The following ZDHHC2 variants were observed in gnomAD, a reference collection of about 807,000 sequenced individuals.
The protein encoded by ZDHHC2 is zDHHC palmitoyltransferase 2, also known as palmitoyltransferase ZDHHC2.
Under a neutral mutation model 55.6 loss-of-function variants are expected in ZDHHC2, and 51 were observed. The observed-to-expected ratio is 0.92, with a 90% CI of 0.73 to 1.16. The LOEUF (loss-of-function observed/expected upper bound fraction) is 1.16. Ranked by LOEUF, ZDHHC2 falls within the 50% of genes most tolerant of loss-of-function variation. The pLI is 0.00. For synonymous variants in ZDHHC2, 199 were observed against 152.9 expected (o/e 1.30, Z -2.22); for missense variants, 491 against 442.4 (o/e 1.11, Z -0.99).
At chr8:17,211,339 C>T (rs1050918149) in intron 10 of ZDHHC2, among the ~76,000 whole-genome samples, 5 of 152,132 alleles carry the variant, frequency 3.3e-5, no homozygotes, top group Middle Eastern at 3.2e-3. Flanking sequence ...GTGCCACATA[C>T]ACAGTATCCA....
At chr8:17,217,762 G>A (rs1036909758) in intron 12 of ZDHHC2, among the ~76,000 whole-genome samples, 4 of 151,888 alleles carry the variant, frequency 2.6e-5, no homozygotes, top group Admixed American at 6.6e-5. Context: ...AAAATAATAG[G>A]TGTTCCAAAT....
chr8:17,206,227 G>A (rs1352045080), intron 7 of ZDHHC2, among the ~76,000 whole-genome samples: 2 of 152,284 alleles, frequency 1.3e-5, no homozygotes, highest in South Asian at 2.1e-4. Flanking sequence ...AAAGAGAACC[G>A]ATGTGTGTTA....
rs1259444259 is a variant in ZDHHC2, at chr8:17,223,046, A to G, written c.*2825A>G. On this transcript the variant is annotated 3_prime_UTR_variant, in exon 13 of 13. Coordinates refer to ENST00000262096, the MANE Select transcript of ZDHHC2 (RefSeq NM_016353.5). ...AATCAAAGATATAAATCATGTTTAT[A>G]AAAAATTAGGCACGCAATCATGTGA... 3 of 151,942 alleles carry G rather than the reference A, an allele frequency of 2.0e-5. No individual in the cohort carries two copies. Among genetic ancestry groups the G allele is most frequent in the African/African-American group, 7.2e-5 (3 of 41,436 alleles). 9.4% of individuals were successfully genotyped at this position (151,942 alleles called of 1,614,324 possible). A position where few individuals can be genotyped will look rare whatever the true frequency, so the allele number is the denominator to read the frequency against.
At chr8:17,181,513 C>G (rs1242135292) in intron 1 of ZDHHC2, among the ~76,000 whole-genome samples, 1 of 152,100 alleles carries the variant, frequency 6.6e-6, no homozygotes, top group Non-Finnish European at 1.5e-5. Context: ...ATTAATTTAT[C>G]TCAATAACTG....
intron 7 of ZDHHC2, among the ~76,000 whole-genome samples, chr8:17,206,082 A>T (rs1807090564): frequency 6.6e-6 from 1 of 152,202 alleles, no homozygotes; most frequent in Non-Finnish European, 1.5e-5. Context: ...TTCAGCTCTC[A>T]TACTATAAAC....
At chr8:17,220,066 G>T (rs552890866) in intron 12 of ZDHHC2, among the ~76,000 whole-genome samples, 190 bp from the exon 13 acceptor site, 5 of 151,900 alleles carry the variant, frequency 3.3e-5, no homozygotes, top group African/African-American at 1.2e-4. Flanking sequence ...GGATCCTTTC[G>T]TATATGCATA....
chr8:17,175,480 C>G (rs1805083072), intron 1 of ZDHHC2, among the ~76,000 whole-genome samples: 1 of 152,110 alleles, frequency 6.6e-6, no homozygotes, highest in African/African-American at 2.4e-5. Context: ...CACTTCTTCC[C>G]CTAGATTGTT....
intron 1 of ZDHHC2, among the ~76,000 whole-genome samples, chr8:17,180,882 G>A (rs1462775841): frequency 1.3e-5 from 2 of 152,162 alleles, no homozygotes; most frequent in African/African-American, 4.8e-5. Flanking sequence ...ACCAAGCTGG[G>A]GGTGGAGGGA....
chr8:17,156,989 C>G (rs1804091022), intron 1 of ZDHHC2, 136 bp downstream of exon 1: 2 of 823,688 alleles, frequency 2.4e-6, no homozygotes, highest in South Asian at 2.7e-5. Flanking sequence ...CCCGCCGGCT[C>G]CGCCGCTAAA....
intron 1 of ZDHHC2, among the ~76,000 whole-genome samples, chr8:17,174,073 C>G (rs1265467827): frequency 2.0e-5 from 3 of 151,146 alleles, no homozygotes; most frequent in Non-Finnish European, 2.9e-5. Flanking sequence ...AATTTGTGCT[C>G]TATTCTTTTT....
intron 6 of ZDHHC2, among the ~76,000 whole-genome samples, chr8:17,199,694 TCTC>T (rs1806635840): frequency 6.7e-6 from 1 of 149,176 alleles, no homozygotes; most frequent in Non-Finnish European, 1.5e-5. Flanking sequence ...TTTTCTTCTT[TCTC>T]CTTCTTCCTT....
At chr8:17,210,505 T>A (rs1487229717) in intron 10 of ZDHHC2, 25 bp downstream of exon 10, 1 of 1,548,038 alleles carries the variant, frequency 6.5e-7, no homozygotes, top group Non-Finnish European at 8.8e-7. Context: ...TTTTTCATTT[T>A]ACTTTCAAAT....
intron 1 of ZDHHC2, among the ~76,000 whole-genome samples, chr8:17,169,687 T>A (rs1448851037): frequency 6.6e-6 from 1 of 152,146 alleles, no homozygotes. Flanking sequence ...GTTTCTGTTT[T>A]GCCCAAAGAT....
At chr8:17,216,583 A>G (rs1025943107) in intron 11 of ZDHHC2, among the ~76,000 whole-genome samples, 6 of 152,306 alleles carry the variant, frequency 3.9e-5, no homozygotes, top group South Asian at 2.1e-4. Context: ...TTGGGGGTCA[A>G]TTGTTGAGAC....
Position 17,221,553 on chromosome 8 carries a change from A to G in ZDHHC2, c.*1332A>G, listed in dbSNP as rs1807918742. On this transcript the variant is annotated 3_prime_UTR_variant, in exon 13 of 13. Coordinates refer to ENST00000262096, the MANE Select transcript of ZDHHC2 (RefSeq NM_016353.5). ...GGTATTTAATCAAAGAGAAAATGGTAATAAACTTTTCAAAATCTTTGTTAA... is the reference window on the plus strand; with the variant it reads ...GGTATTTAATCAAAGAGAAAATGGTGATAAACTTTTCAAAATCTTTGTTAA... 1 of 152,408 alleles carries G rather than the reference A, an allele frequency of 6.6e-6. No homozygotes were observed. Among genetic ancestry groups the G allele is most frequent in the Non-Finnish European group, 1.5e-5 (1 of 67,966 alleles). 9.4% of individuals were successfully genotyped at this position (152,408 alleles called of 1,614,324 possible).
At chr8:17,217,010 G>GGT (rs1807682301) in intron 11 of ZDHHC2, among the ~76,000 whole-genome samples, 162 bp from the exon 12 acceptor site, 1 of 151,828 alleles carries the variant, frequency 6.6e-6, no homozygotes, top group Non-Finnish European at 1.5e-5. Context: ...CTGTATAACG[G>GGT]GTGTGTGTGT....
intron 3 of ZDHHC2, among the ~76,000 whole-genome samples, chr8:17,189,409 A>G (rs1805906175): frequency 6.6e-6 from 1 of 152,152 alleles, no homozygotes; most frequent in Non-Finnish European, 1.5e-5. Flanking sequence ...CACCATCGTT[A>G]GAATGTAGGT....
intron 1 of ZDHHC2, chr8:17,162,986 G>T (rs1273657546): frequency 6.6e-6 from 1 of 152,242 alleles, no homozygotes; most frequent in Non-Finnish European, 1.5e-5. Flanking sequence ...AGCAGTGTTT[G>T]CCTCTGCTAT....
chr8:17,199,637 T>TCTCCTC (rs377155242), intron 6 of ZDHHC2, among the ~76,000 whole-genome samples: 5 of 98,432 alleles, frequency 5.1e-5, no homozygotes, highest in Non-Finnish European at 1.3e-4. Flanking sequence ...TTCTTCTTCT[T>TCTCCTC]CTCCTCCTCC....
Sources: allele counts gnomAD v4.1 joint callset (sites outside exome capture counted in the v4.1 genomes callset), GRCh38; gene constraint gnomAD v4.1.1; transcripts MANE v1.5; gene names NCBI Gene and HGNC (gene_info 2026-07-23, HGNC 2026-07-21).